AMZ1: variants seen among roughly 807,000 people sequenced by gnomAD.
The protein encoded by AMZ1 is archaelysin family metallopeptidase 1, also known as archaemetzincin-1.
In AMZ1, 39 loss-of-function variants were observed where a neutral mutation model predicts 29.9. The ratio of observed to expected loss-of-function variants is 1.30; its 90% confidence interval spans 1.01 to 1.70. The LOEUF (loss-of-function observed/expected upper bound fraction) is 1.70, where lower values mean the gene tolerates loss of function less well. Ranked by LOEUF, AMZ1 falls within the 40% of genes most tolerant of loss-of-function variation. The pLI is 0.00. For missense variants in AMZ1, 1,041 were observed against 680.6 expected, an observed-to-expected ratio of 1.53 and a Z score of -5.89; for synonymous variants, 458 against 304.0, an observed-to-expected ratio of 1.51 and a Z score of -5.27.
chr7:2,722,978 TTAAAATAAAA>T (rs749279410), downstream of AMZ1, among the ~76,000 whole-genome samples: 1 of 151,534 alleles, frequency 6.6e-6, no homozygotes, highest in African/African-American at 2.4e-5. Flanking sequence ...GACCCTATAT[TTAAAATAAAA>T]TAAAGTAAAA....
intron 3 of AMZ1, among the ~76,000 whole-genome samples, chr7:2,707,723 C>T (rs80251315): frequency 0.025 from 3,725 of 152,026 alleles, 158 homozygotes; most frequent in African/African-American, 0.081. Flanking sequence ...TAGAGGCACC[C>T]GTATCCTTGG....
chr7:2,736,960 T>A (rs1790213283), intron 4 of AMZ1, among the ~76,000 whole-genome samples: 1 of 152,222 alleles, frequency 6.6e-6, no homozygotes, highest in Non-Finnish European at 1.5e-5. Flanking sequence ...CATGAGGGGC[T>A]GACTCTGGTT....
chr7:2,700,657 G>C lies in AMZ1; in HGVS notation c.206G>C (p.Ser69Thr). ...CGCACGGGCTTCGACTGGCTCCTGA[G>C]CCGACCCGAGGCTCCCGAGGACTTC... ...LIRTGFDWLLSRPEAPEDFQT... is the reference protein window; with the variant it reads ...LIRTGFDWLLTRPEAPEDFQT... The change falls in exon 2 of 7, where the codon AGC becomes ACC. Residue 69 changes from serine to threonine, a missense_variant. By Grantham distance (58) the Ser-to-Thr change is moderately conservative (BLOSUM62 1). Transcript: ENST00000683327. 1 of 1,612,202 alleles carries C rather than the reference G, an allele frequency of 6.2e-7. No homozygotes were observed. The highest frequency in any genetic ancestry group is 8.5e-7 in the Non-Finnish European group (1 of 1,179,986).
In AMZ1 at chr7:2,690,675, G is replaced by A. The variant is rs190628069; in HGVS notation, c.-219+2379G>A. Among the ~76,000 whole-genome samples the A allele has an allele frequency of 5.5e-3, 844 of 152,246 alleles. 27 individuals are homozygous for A. Among genetic ancestry groups the A allele is most frequent in the Admixed American group, 0.049 (753 of 15,290 alleles). ...GGGTGTGCAAACGGCCTCTGTGGTC[G>A]TGGCTCCTCTGTGCGTGTGCTCTGG... On this transcript the variant is annotated intron_variant, in intron 1 of 6. Transcript: ENST00000683327.
chr7:2,762,525 A>C, upstream of AMZ1: 1 of 1,099,416 alleles, frequency 9.1e-7, no homozygotes, highest in Non-Finnish European at 1.3e-6. Context: ...CTACAAAAGC[A>C]GTTCCACCAC....
rs115902307 is a variant in AMZ1 at position 2,732,688 on chromosome 7, G to A, written n.550+22872G>A. Among the ~76,000 whole-genome samples, 1,014 of 152,326 alleles carry A rather than the reference G, an allele frequency of 6.7e-3. 7 individuals are homozygous for A. The highest frequency in any genetic ancestry group is 8.5e-3 in the Non-Finnish European group (581 of 68,036). On this transcript the variant is annotated intron_variant and non_coding_transcript_variant, in intron 4 of 4. Transcript: ENST00000489665. ...ATCTAGAGGTCTGACTACCACCCACGGGGTGTGCAGGGGACAGAGAAACAT... is the reference window on the plus strand; with the variant it reads ...ATCTAGAGGTCTGACTACCACCCACAGGGTGTGCAGGGGACAGAGAAACAT...
In AMZ1 at chr7:2,702,424, C is replaced by T. The variant is rs551094123; in HGVS notation, c.305-298C>T. 93 of 403,982 alleles carry T rather than the reference C, an allele frequency of 2.3e-4. No homozygotes were observed. In the Admixed American group the frequency reaches 3.4e-3, roughly 15 times the overall value. 25.0% of individuals were successfully genotyped at this position (403,982 alleles called of 1,614,324 possible). On this transcript the variant is annotated intron_variant, in intron 2 of 6. Transcript: ENST00000683327. The stretch of plus-strand genomic sequence containing the variant: ...GCTCAGCTGCAGTGCCTGGCGCTAA[C>T]CCTAGAAGTCCCTGTCCCTGGTGAG...
intron 4 of AMZ1, among the ~76,000 whole-genome samples, chr7:2,725,101 C>T (rs187804634): frequency 6.6e-6 from 1 of 152,374 alleles, no homozygotes; most frequent in East Asian, 1.9e-4. Context: ...CTGTTCCCTC[C>T]TGCTGGGTTC....
intron 4 of AMZ1, among the ~76,000 whole-genome samples, chr7:2,744,181 C>T (rs798508): frequency 6.6e-6 from 1 of 152,054 alleles, no homozygotes; most frequent in Non-Finnish European, 1.5e-5. Flanking sequence ...AGTGGTTCTC[C>T]CAGCACGCAG....
upstream of AMZ1, among the ~76,000 whole-genome samples, chr7:2,759,758 AAC>A (rs1455214478): frequency 1.3e-5 from 2 of 152,224 alleles, no homozygotes; most frequent in African/African-American, 2.4e-5. Context: ...AAAGAGAAAA[AAC>A]ACAGACTGAA....
At chr7:2,710,748 T>C (rs1464911559) in intron 6 of AMZ1, among the ~76,000 whole-genome samples, 13 of 152,190 alleles carry the variant, frequency 8.5e-5, no homozygotes, top group Non-Finnish European at 1.3e-4. Flanking sequence ...TTTCCAAGTG[T>C]AAGGAGAAGA....
At chr7:2,735,391 G>C (rs1206371726) in intron 4 of AMZ1, among the ~76,000 whole-genome samples, 1 of 152,210 alleles carries the variant, frequency 6.6e-6, no homozygotes, top group African/African-American at 2.4e-5. Context: ...GTCAGGCATG[G>C]AGAGTCACAG....
chr7:2,760,277 C>T (rs73049331), upstream of AMZ1: 16,415 of 152,546 alleles, frequency 0.11, 1,024 homozygotes, highest in Middle Eastern at 0.19. Context: ...CTCCCAGCAG[C>T]GCTGCCTCCC....
downstream of AMZ1, among the ~76,000 whole-genome samples, chr7:2,720,703 T>A (rs1225040359): frequency 1.1e-4 from 17 of 147,950 alleles, no homozygotes; most frequent in East Asian, 3.9e-4. Flanking sequence ...GCCCAGCCTT[T>A]AAAAAAAAAA....
chr7:2,693,539 C>G (rs1256921528), intron 1 of AMZ1, among the ~76,000 whole-genome samples: 1 of 151,946 alleles, frequency 6.6e-6, no homozygotes, highest in East Asian at 1.9e-4. Context: ...GCCACCACAC[C>G]CAGCTAATTT....
intron 4 of AMZ1, among the ~76,000 whole-genome samples, chr7:2,739,916 G>A (rs371441540): frequency 5.9e-5 from 9 of 152,094 alleles, no homozygotes; most frequent in South Asian, 2.1e-4. Flanking sequence ...CCAGTGATCC[G>A]CCCGCCTTGG....
intron 4 of AMZ1, among the ~76,000 whole-genome samples, chr7:2,738,276 C>T (rs1790312008): frequency 7.0e-6 from 1 of 142,640 alleles, no homozygotes; most frequent in Non-Finnish European, 1.6e-5. Flanking sequence ...CAGAGTGAGG[C>T]TCCATCTAAA....
Position 2,717,979 on chromosome 7 carries a change from C to G in AMZ1, c.*5101C>G, listed in dbSNP as rs1208036747. On this transcript the variant is annotated 3_prime_UTR_variant, in exon 7 of 7. Transcript: ENST00000683327. ...AATAGTCACCGGAGTCGAGCAAACA[C>G]GGCGGCCCCTGCCTCCCCCGGCGGC... is the stretch of plus-strand genomic sequence containing the variant. Among the ~76,000 whole-genome samples, 2 of 152,208 alleles carry G rather than the reference C, an allele frequency of 1.3e-5. No homozygotes were observed. The highest frequency in any genetic ancestry group is 1.5e-5 in the Non-Finnish European group (1 of 68,030).
chr7:2,694,448 T>G (rs1315816039), intron 1 of AMZ1, among the ~76,000 whole-genome samples: 1 of 152,100 alleles, frequency 6.6e-6, no homozygotes, highest in Non-Finnish European at 1.5e-5. Flanking sequence ...GTGAGCCAAT[T>G]CTCATAATAA....
Sources: gnomAD v4.1 joint callset for allele counts (sites outside exome capture counted in the v4.1 genomes callset) on GRCh38, gnomAD v4.1.1 for gene constraint, MANE v1.5 for transcripts, NCBI Gene and HGNC (gene_info 2026-07-23, HGNC 2026-07-21) for gene names.